METTL22: variants seen among roughly 807,000 people sequenced by gnomAD.
METTL22 encodes the protein methyltransferase-like protein 22.
Under a neutral mutation model 48.4 loss-of-function variants are expected in METTL22, and 51 were observed. The observed-to-expected ratio is 1.05, with a 90% CI of 0.84 to 1.33. The LOEUF (loss-of-function observed/expected upper bound fraction) is 1.33, where lower values mean the gene tolerates loss of function less well. METTL22 is among the 40% of genes most tolerant of loss of function. The probability of loss-of-function intolerance (pLI) is 0.00; values close to 1 mark genes in which losing one functional copy is unlikely to be tolerated. For synonymous variants in METTL22, 255 were observed against 214.1 expected, an observed-to-expected ratio of 1.19 and a Z score of -1.67; for missense variants, 678 against 526.9, an observed-to-expected ratio of 1.29 and a Z score of -2.81.
Position 8,625,703 on chromosome 16 carries a change from T to C in METTL22, c.38T>C (p.Val13Ala). 1 of 1,614,098 alleles carries C rather than the reference T, an allele frequency of 6.2e-7. No individual in the cohort carries two copies. The highest frequency in any genetic ancestry group is 8.5e-7 in the Non-Finnish European group (1 of 1,180,018). ...QLAPAAAMDE[V>A]TFRSDTVLSD... ...GCTCCTGCGGCAGCCATGGACGAGG[T>C]CACCTTTAGGAGCGACACTGTGCTG... Residue 13 changes from valine (V) to alanine (A), a missense_variant, in exon 2 of 11, where the codon GTC becomes GCC. Val to Ala is a moderately conservative substitution (Grantham distance 64). Coordinates refer to ENST00000381920, the MANE Select transcript of METTL22 (RefSeq NM_024109.4).
chr16:8,641,927 G>C, intron 7 of METTL22, 200 bp from the exon 8 acceptor site: 1 of 615,428 alleles, frequency 1.6e-6, no homozygotes, highest in Middle Eastern at 4.4e-4. Flanking sequence ...CAGCAGAAAA[G>C]GCACCTCTTC....
At position 8,628,740 on chromosome 16, in the gene METTL22, C is replaced by A; in HGVS notation, c.144C>A (p.Ser48=). ...LNSVGQPVFL[S]QFKLLWSQDS... ...TGTCTTGCCTTTCAGTTTTCCTGTC[C>A]CAATTCAAGCTTCTATGGAGCCAAG... The change falls in exon 3 of 11, where the codon TCC becomes TCA. Residue 48 remains serine, a synonymous_variant. Transcript: ENST00000381920. 6.2e-7 allele frequency: 1 copy of A among 1,604,754 alleles called. No individual in the cohort carries two copies. Among genetic ancestry groups the A allele is most frequent in the Non-Finnish European group, 8.5e-7 (1 of 1,174,452 alleles).
At chr16:8,664,988 G>T in the METTL22 span, among the ~76,000 whole-genome samples, 1 of 152,176 alleles carries the variant, frequency 6.6e-6, no homozygotes, top group East Asian at 1.9e-4. Flanking sequence ...CTGGGGAGGA[G>T]GGACTCACTA....
rs1214454635 is a variant in METTL22, at chr16:8,646,449, G to C, written c.*306G>C. 14 of 630,614 alleles carry C rather than the reference G, an allele frequency of 2.2e-5. No individual in the cohort carries two copies. The highest frequency in any genetic ancestry group is 3.2e-5 in the Non-Finnish European group (11 of 339,428). The allele number at this position is 630,614 out of a possible 1,614,324, so 39.1% of individuals were successfully genotyped here. A position where few individuals can be genotyped will look rare whatever the true frequency, so the allele number is the denominator to read the frequency against. ...AGTTCCACCCACGTCAGTCATTTCA[G>C]CTGTGTGCTTTACTTGCGGTTGCGG... On this transcript the variant is annotated 3_prime_UTR_variant, in exon 11 of 11. Coordinates refer to ENST00000381920, the MANE Select transcript of METTL22 (RefSeq NM_024109.4).
chr16:8,645,982 A>ATGTTGTCTAACTACTCTCCTTGCCT (rs750393679), intron 10 of METTL22, 126 bp from the exon 11 acceptor site: 1 of 1,268,196 alleles, frequency 7.9e-7, no homozygotes, highest in Admixed American at 5.0e-5. Context: ...CTCCTGCCCC[A>ATGTTGTCTAACTACTCTCCTTGCCT]GCTCGCCTGC....
intron 3 of METTL22, among the ~76,000 whole-genome samples, chr16:8,630,129 G>A (rs955953273): frequency 6.6e-6 from 1 of 152,120 alleles, no homozygotes; most frequent in African/African-American, 2.4e-5. Context: ...ACTGGCCTTT[G>A]GTCAGAGAAT....
At chr16:8,650,928 G>A (rs1244489077), downstream of METTL22, among the ~76,000 whole-genome samples, 1 of 152,218 alleles carries the variant, frequency 6.6e-6, no homozygotes, top group East Asian at 1.9e-4. Flanking sequence ...GGAGGCTGAG[G>A]CAGGAGAATT....
At position 8,625,768 on chromosome 16, in the gene METTL22, A is replaced by G. The variant is rs1251674996; in HGVS notation, c.103A>G (p.Met35Val). Residue 35 changes from methionine to valine, a missense_variant, in exon 2 of 11, where the codon ATG becomes GTG. Met to Val is a conservative substitution (Grantham distance 21). Coordinates refer to ENST00000381920, the MANE Select transcript of METTL22 (RefSeq NM_024109.4). Reference protein sequence around the residue: ...HLYTPNHRHLMVRLNSVGQPV... With the variant: ...HLYTPNHRHLVVRLNSVGQPV... ...CTATACCCCGAACCATAGACATCTC[A>G]TGGTACGGCTGAACAGCGTGGGGCA... 3.1e-6 allele frequency: 5 copies of G among 1,607,418 alleles called. No individual in the cohort carries two copies. The highest frequency in any genetic ancestry group is 1.7e-5 in the Admixed American group (1 of 60,012).
the METTL22 span, among the ~76,000 whole-genome samples, chr16:8,662,237 G>A: frequency 6.9e-6 from 1 of 145,388 alleles, no homozygotes; most frequent in Non-Finnish European, 1.5e-5. Context: ...GCGAGACTCT[G>A]TCTCTAAAAA....
At chr16:8,653,293 T>A (rs143858045), downstream of METTL22, among the ~76,000 whole-genome samples, 1 of 152,226 alleles carries the variant, frequency 6.6e-6, no homozygotes, top group Admixed American at 6.5e-5. Context: ...CGCTAAGTTT[T>A]AATATCTAAA....
intron 5 of METTL22, among the ~76,000 whole-genome samples, chr16:8,636,815 G>A (rs528818195): frequency 7.0e-4 from 107 of 152,278 alleles, no homozygotes; most frequent in African/African-American, 2.6e-3. Flanking sequence ...AGAAGTGGGT[G>A]AGACTATTCT....
At chr16:8,625,999 T>C (rs955486791) in intron 2 of METTL22, among the ~76,000 whole-genome samples, 2 of 152,194 alleles carry the variant, frequency 1.3e-5, no homozygotes, top group African/African-American at 2.4e-5. Context: ...TGTTTTGCTT[T>C]TGTTTTTGCT....
chr16:8,644,685 C>G lies in METTL22; in HGVS notation c.1139C>G (p.Ser380Cys). ...LRFVVEPVEA[S>C]FPQLLVYERL... ...TTCGTGGTGGAGCCCGTGGAGGCCTCCTTCCCACAGCTCCTGGTTTACGAG... is the reference window on the plus strand; with the variant it reads ...TTCGTGGTGGAGCCCGTGGAGGCCTGCTTCCCACAGCTCCTGGTTTACGAG... Residue 380 changes from serine to cysteine, a missense_variant, in exon 10 of 11, where the codon TCC becomes TGC. Ser to Cys is a moderately radical substitution (Grantham distance 112, BLOSUM62 -1). Coordinates refer to ENST00000381920, the MANE Select transcript of METTL22 (RefSeq NM_024109.4). 3 of 1,604,112 alleles carry G rather than the reference C, an allele frequency of 1.9e-6. No individual in the cohort carries two copies. Among genetic ancestry groups the G allele is most frequent in the Non-Finnish European group, 2.6e-6 (3 of 1,175,292 alleles).
intron 1 of METTL22, among the ~76,000 whole-genome samples, chr16:8,623,039 C>T (rs189949237): frequency 6.6e-5 from 10 of 152,092 alleles, no homozygotes; most frequent in Non-Finnish European, 1.3e-4. Context: ...ATAGGCCATG[C>T]CTGGTGGCTC....
At chr16:8,642,653 T>A in intron 9 of METTL22, 88 bp downstream of exon 9, 1 of 1,241,920 alleles carries the variant, frequency 8.1e-7, no homozygotes, top group South Asian at 1.2e-5. Context: ...AGTGTCATTA[T>A]GATTGTTACT....
At chr16:8,666,397 A>T in the METTL22 span, among the ~76,000 whole-genome samples, 1 of 152,210 alleles carries the variant, frequency 6.6e-6, no homozygotes, top group African/African-American at 2.4e-5. Context: ...TCATCCTGAG[A>T]TCACCTCCCA....
In METTL22 at chr16:8,633,732, A is replaced by T. The variant is rs549680100; in HGVS notation, c.515-1307A>T. On this transcript the variant is annotated intron_variant, in intron 3 of 10. Transcript: ENST00000381920. ...CTTTTCCTCATCCAATAATACTCGA[A>T]GCTGTCATTGGGTGATTTTGAGGAT... is the stretch of plus-strand genomic sequence containing the variant. Among the ~76,000 whole-genome samples, 4 of 152,302 alleles carry T rather than the reference A, an allele frequency of 2.6e-5. No homozygotes were observed. In the South Asian group the frequency reaches 8.3e-4, roughly 32 times the overall value.
chr16:8,639,985 C>G (rs2056547194), intron 6 of METTL22, among the ~76,000 whole-genome samples: 1 of 152,180 alleles, frequency 6.6e-6, no homozygotes, highest in Admixed American at 6.5e-5. Flanking sequence ...GCCGTCCCTC[C>G]TCCCGGCAAG....
downstream of METTL22, among the ~76,000 whole-genome samples, chr16:8,652,688 A>AAT (rs34206993): frequency 0.77 from 115,366 of 149,772 alleles, 44,729 homozygotes; most frequent in East Asian, 0.87. Flanking sequence ...TAAAAAAAAA[A>AAT]TTTTTTTAAT....
Sources: allele counts gnomAD v4.1 joint callset (sites outside exome capture counted in the v4.1 genomes callset), GRCh38; gene constraint gnomAD v4.1.1; transcripts MANE v1.5; gene names NCBI Gene and HGNC (gene_info 2026-07-23, HGNC 2026-07-21).